The following DSCAML1 variants were observed in gnomAD, a reference collection of about 807,000 sequenced individuals.
The protein encoded by DSCAML1 is cell adhesion molecule DSCAML1.
In DSCAML1, 38 loss-of-function variants were observed where a neutral mutation model predicts 200.5. That is an observed-to-expected ratio of 0.19 (90% CI 0.15 to 0.25). DSCAML1 has a LOEUF of 0.25. Ranked by LOEUF, DSCAML1 falls within the 10% of genes least tolerant of loss-of-function variation. The pLI is 1.00. For synonymous variants in DSCAML1, 1,215 were observed against 1,165.0 expected (o/e 1.04, Z -0.87); for missense variants, 2,223 against 2,858.8 (o/e 0.78, Z 5.07).
At position 117,546,085 on chromosome 11, in the gene DSCAML1, C is replaced by T. The variant is rs1463411174; in HGVS notation, c.512-13563G>A. Among the ~76,000 whole-genome samples, 5 of 152,244 alleles carry T rather than the reference C, an allele frequency of 3.3e-5. No homozygotes were observed. The East Asian group carries it at 7.7e-4, about 23-fold the overall frequency. On this transcript the variant is annotated intron_variant, in intron 3 of 32. Coordinates refer to ENST00000651296, the MANE Select transcript of DSCAML1 (RefSeq NM_020693.4). ...CGTCAGTGCTGAAGTGGTGTCACCA[C>T]CCCCAAGTCCCCCTTTCTGCACTGT...
At chr11:117,582,225 G>T (rs939098736) in intron 3 of DSCAML1, among the ~76,000 whole-genome samples, 8 of 152,222 alleles carry the variant, frequency 5.3e-5, no homozygotes, top group African/African-American at 1.9e-4. Flanking sequence ...GTTGGGCTCT[G>T]TAGCCATTTA....
At chr11:117,618,656 C>A (rs1203092220) in intron 3 of DSCAML1, among the ~76,000 whole-genome samples, 3 of 151,176 alleles carry the variant, frequency 2.0e-5, no homozygotes, top group Non-Finnish European at 2.9e-5. Flanking sequence ...CTTTATAGTG[C>A]CTTTAGGTTT....
At chr11:117,730,704 T>C (rs1441139691) in intron 3 of DSCAML1, among the ~76,000 whole-genome samples, 1 of 152,196 alleles carries the variant, frequency 6.6e-6, no homozygotes, top group Non-Finnish European at 1.5e-5. Flanking sequence ...CCCTCGCAGG[T>C]ATCTACCAAG....
intron 3 of DSCAML1, among the ~76,000 whole-genome samples, chr11:117,769,644 T>C (rs889071072): frequency 6.9e-6 from 1 of 145,074 alleles, no homozygotes; most frequent in Admixed American, 7.5e-5. Flanking sequence ...GGAGCACAGA[T>C]GATGGAGTCT....
At position 117,780,300 on chromosome 11, in the gene DSCAML1, GA is replaced by G. The variant is rs1382518224; in HGVS notation, c.364+192del. Among the ~76,000 whole-genome samples, 1 of 111,956 alleles carries G rather than the reference GA, an allele frequency of 8.9e-6. No individual in the cohort carries two copies. Among genetic ancestry groups the G allele is most frequent in the Non-Finnish European group, 2.0e-5 (1 of 49,576 alleles). The allele number at this position is 111,956 out of a possible 152,430, so 73.4% of individuals were successfully genotyped here. ...AGAAAGAAAGAAAGAAAGAAAGAAAGAAAGAGAGAAAGGAGAAAGAAAGGTG... is the reference window on the plus strand; with the variant it reads ...AGAAAGAAAGAAAGAAAGAAAGAAAGAAGAGAGAAAGGAGAAAGAAAGGTG... On this transcript the variant is annotated intron_variant, in intron 2 of 32. Coordinates refer to ENST00000651296, the MANE Select transcript of DSCAML1 (RefSeq NM_020693.4). The surrounding 1 kb of genome is among the most constrained non-coding windows in gnomAD (Gnocchi z 4.8).
At chr11:117,585,357 C>G (rs1840234440) in intron 3 of DSCAML1, among the ~76,000 whole-genome samples, 1 of 152,066 alleles carries the variant, frequency 6.6e-6, no homozygotes, top group Non-Finnish European at 1.5e-5. Flanking sequence ...TCAAGCAATT[C>G]TCTTGCCTCA....
intron 17 of DSCAML1, among the ~76,000 whole-genome samples, chr11:117,464,489 C>T (rs1270618208): frequency 6.6e-6 from 1 of 152,180 alleles, no homozygotes; most frequent in Admixed American, 6.5e-5. Context: ...AAATCCTCTG[C>T]CGCATGCACG....
chr11:117,689,013 C>T (rs1565875703), intron 3 of DSCAML1, among the ~76,000 whole-genome samples: 2 of 152,128 alleles, frequency 1.3e-5, no homozygotes, highest in Non-Finnish European at 2.9e-5. Context: ...CCCTTCCATG[C>T]CTCATAGCTC....
At chr11:117,773,836 T>C (rs934351913) in intron 3 of DSCAML1, among the ~76,000 whole-genome samples, 1 of 152,202 alleles carries the variant, frequency 6.6e-6, no homozygotes, top group South Asian at 2.1e-4. Context: ...AGAATGATTA[T>C]AGATGGGGCT....
intron 3 of DSCAML1, among the ~76,000 whole-genome samples, chr11:117,631,647 T>A (rs569627073): frequency 6.6e-6 from 1 of 152,366 alleles, no homozygotes; most frequent in Non-Finnish European, 1.5e-5. Flanking sequence ...AGCAGGCAGA[T>A]ATTTCTGTGA....
intron 3 of DSCAML1, among the ~76,000 whole-genome samples, chr11:117,680,295 C>A (rs2053289292): frequency 6.6e-6 from 1 of 152,220 alleles, no homozygotes; most frequent in Non-Finnish European, 1.5e-5. Flanking sequence ...GCCTTCCAGC[C>A]CCCAAGCCTG....
chr11:117,645,311 A>G (rs1192151904), intron 3 of DSCAML1, among the ~76,000 whole-genome samples: 1 of 152,142 alleles, frequency 6.6e-6, no homozygotes, highest in Admixed American at 6.5e-5. Flanking sequence ...GCATCCCTTT[A>G]TCTGAGGATC....
intron 3 of DSCAML1, among the ~76,000 whole-genome samples, chr11:117,695,315 CTTTTTTTTT>C (rs753748981): frequency 5.1e-5 from 6 of 116,700 alleles, no homozygotes; most frequent in African/African-American, 1.6e-4. Flanking sequence ...CTTTCTTTTT[CTTTTTTTTT>C]TTTTTTTTTT....
intron 11 of DSCAML1, among the ~76,000 whole-genome samples, chr11:117,496,118 C>T (rs1249782070): frequency 1.3e-5 from 2 of 152,322 alleles, no homozygotes; most frequent in East Asian, 3.9e-4. Flanking sequence ...CACGTCTGTC[C>T]ACCTTGGGTT....
chr11:117,593,516 G>A (rs921673428), intron 3 of DSCAML1, among the ~76,000 whole-genome samples: 1 of 152,230 alleles, frequency 6.6e-6, no homozygotes, highest in Non-Finnish European at 1.5e-5. Context: ...ACCGGGGCCT[G>A]TGTATAGGGT....
intron 3 of DSCAML1, among the ~76,000 whole-genome samples, chr11:117,692,478 C>T (rs780803654): frequency 6.6e-6 from 1 of 152,036 alleles, no homozygotes; most frequent in Non-Finnish European, 1.5e-5. Flanking sequence ...TGTAGGTACT[C>T]GATAACTAGA....
intron 24 of DSCAML1, among the ~76,000 whole-genome samples, chr11:117,438,419 T>C (rs2047968842): frequency 6.6e-6 from 1 of 152,040 alleles, no homozygotes; most frequent in Non-Finnish European, 1.5e-5. Context: ...GGGTCCTGTC[T>C]AGATCTTCAC....
chr11:117,635,967 C>T (rs753642568), intron 3 of DSCAML1, among the ~76,000 whole-genome samples: 20 of 152,172 alleles, frequency 1.3e-4, no homozygotes, highest in Non-Finnish European at 2.4e-4. Flanking sequence ...TCATTTCTTT[C>T]ATCCCTACCC....
chr11:117,575,846 CCAAAA>C (rs36226708), intron 3 of DSCAML1, among the ~76,000 whole-genome samples: 20,313 of 150,300 alleles, frequency 0.14, 1,486 homozygotes, highest in Non-Finnish European at 0.16. Flanking sequence ...CAAAAACAAC[CCAAAA>C]CAAAACAAAA....
Sources: gnomAD v4.1 joint callset for allele counts (sites outside exome capture counted in the v4.1 genomes callset) on GRCh38, gnomAD v4.1.1 for gene constraint, Gnocchi (gnomAD v3.1) non-coding constraint, MANE v1.5 for transcripts, NCBI Gene and HGNC (gene_info 2026-07-23, HGNC 2026-07-21) for gene names.